Variants in EPHA5 observed in about 807,000 individuals in gnomAD.
The protein encoded by EPHA5 is ephrin type-A receptor 5.
In EPHA5, 60 loss-of-function variants were observed where a neutral mutation model predicts 105.0. That is an observed-to-expected ratio of 0.57 (90% confidence interval 0.46 to 0.71). The LOEUF is 0.71. EPHA5 is among the 30% of genes least tolerant of loss of function. The pLI is 0.00. For missense variants in EPHA5, 1,218 were observed against 1,274.7 expected, an observed-to-expected ratio of 0.96 and a Z score of 0.68; for synonymous variants, 513 against 449.1, an observed-to-expected ratio of 1.14 and a Z score of -1.80.
chr4:65,498,269 T>G (rs995442953), intron 3 of EPHA5, among the ~76,000 whole-genome samples: 1 of 151,888 alleles, frequency 6.6e-6, no homozygotes, highest in Non-Finnish European at 1.5e-5. Context: ...CACAAAAACC[T>G]TACATATTTT....
At chr4:65,668,559 C>A (rs183534716) in intron 1 of EPHA5, among the ~76,000 whole-genome samples, 2 of 152,186 alleles carry the variant, frequency 1.3e-5, no homozygotes, top group Admixed American at 1.3e-4. Context: ...GAGGAGCAAG[C>A]GCTGCTGGAG....
At chr4:65,328,103 T>C (rs566513514) in intron 16 of EPHA5, among the ~76,000 whole-genome samples, 100 of 151,302 alleles carry the variant, frequency 6.6e-4, no homozygotes, top group African/African-American at 2.1e-3. Context: ...ATGACACAAA[T>C]TTTATCATGA....
intron 7 of EPHA5, among the ~76,000 whole-genome samples, chr4:65,405,906 C>CT (rs1050893817): frequency 1.3e-5 from 2 of 151,854 alleles, no homozygotes; most frequent in African/African-American, 4.8e-5. Flanking sequence ...CTTTCTCCTT[C>CT]TTTTTTTGGC....
At chr4:65,585,149 T>C (rs1741995559) in intron 3 of EPHA5, among the ~76,000 whole-genome samples, 1 of 151,790 alleles carries the variant, frequency 6.6e-6, no homozygotes, top group African/African-American at 2.4e-5. Flanking sequence ...TGTGTGTCTG[T>C]GTCCAGATCC....
intron 1 of EPHA5, among the ~76,000 whole-genome samples, chr4:65,652,983 G>A (rs186815354): frequency 5.8e-4 from 88 of 151,924 alleles, no homozygotes; most frequent in African/African-American, 2.1e-3. Flanking sequence ...ACAGGCAAAA[G>A]GTACACTAAA....
chr4:65,574,789 A>G (rs894406052), intron 3 of EPHA5, among the ~76,000 whole-genome samples: 1 of 147,104 alleles, frequency 6.8e-6, no homozygotes, highest in Non-Finnish European at 1.5e-5. Flanking sequence ...ATTGAATACT[A>G]TGGCAGAATT....
intron 2 of EPHA5, among the ~76,000 whole-genome samples, chr4:65,625,436 A>G (rs1337901827): frequency 1.3e-5 from 2 of 152,200 alleles, no homozygotes; most frequent in Non-Finnish European, 2.9e-5. Context: ...ATCATACAGT[A>G]TGTAATACCA....
At chr4:65,345,074 TC>T (rs1304024164) in intron 14 of EPHA5, among the ~76,000 whole-genome samples, 1 of 152,136 alleles carries the variant, frequency 6.6e-6, no homozygotes, top group African/African-American at 2.4e-5. Context: ...AATAATAGCA[TC>T]CCTCTGACAC....
intron 3 of EPHA5, among the ~76,000 whole-genome samples, chr4:65,533,734 G>A (rs1488762270): frequency 6.6e-6 from 1 of 152,070 alleles, no homozygotes; most frequent in Non-Finnish European, 1.5e-5. Flanking sequence ...CAGGAGTTGA[G>A]ACCAGTCTGG....
chr4:65,633,257 G>A lies in EPHA5; in HGVS notation c.246+10106C>T, dbSNP rs182178097. ...ATTACAGTATATTTTTTCTCTGTGG[G>A]AGAGGGAGATTATGTACTCAGAACC... On this transcript the variant is annotated intron_variant, in intron 2 of 16. Coordinates refer to ENST00000613740, the MANE Select transcript of EPHA5 (RefSeq NM_001281766.3). Among the ~76,000 whole-genome samples, 13 of 152,078 alleles carry A rather than the reference G, an allele frequency of 8.5e-5. No homozygotes were observed. In the East Asian group the frequency reaches 1.9e-3, roughly 23 times the overall value.
intron 1 of EPHA5, among the ~76,000 whole-genome samples, chr4:65,648,514 A>T (rs1748325996): frequency 6.6e-6 from 1 of 152,242 alleles, no homozygotes; most frequent in East Asian, 1.9e-4. Context: ...ATTAGAAGTC[A>T]TATTCTTACT....
chr4:65,453,290 T>C (rs1727243822), intron 5 of EPHA5, among the ~76,000 whole-genome samples: 1 of 152,234 alleles, frequency 6.6e-6, no homozygotes, highest in Non-Finnish European at 1.5e-5. Context: ...CAATACATTT[T>C]GTAAACATGT....
chr4:65,613,264 T>G (rs950290752), intron 2 of EPHA5, among the ~76,000 whole-genome samples: 1 of 152,236 alleles, frequency 6.6e-6, no homozygotes, highest in East Asian at 1.9e-4. Flanking sequence ...TCATGCTGTT[T>G]TGGTTATTAC....
intron 5 of EPHA5, among the ~76,000 whole-genome samples, chr4:65,431,018 T>C (rs1278604623): frequency 6.6e-6 from 1 of 152,148 alleles, no homozygotes; most frequent in East Asian, 1.9e-4. Context: ...CAACTATTTT[T>C]GATCTACCAT....
At position 65,420,506 on chromosome 4, in the gene EPHA5, A is replaced by G; in HGVS notation, c.1462T>C (p.Ser488Pro). The G allele has an allele frequency of 2.5e-6, 4 of 1,613,302 alleles. No homozygotes were observed. Among genetic ancestry groups the G allele is most frequent in the Non-Finnish European group, 3.4e-6 (4 of 1,179,522 alleles). Residue 488 changes from serine to proline, a missense_variant, in exon 6 of 17, where the codon TCT (serine) becomes CCT (proline). Coordinates refer to ENST00000613740, the MANE Select transcript of EPHA5 (RefSeq NM_001281766.3). ...GKIAKNSISL[S>P]WQEPDRPNGI... ...TTGGGACGATCTGGTTCTTGCCAAG[A>G]CAAAGAGATGCTGTTTTTTGCAATT...
chr4:65,540,580 G>A (rs1038373417), intron 3 of EPHA5, among the ~76,000 whole-genome samples: 11 of 151,334 alleles, frequency 7.3e-5, no homozygotes, highest in African/African-American at 2.7e-4. Flanking sequence ...GATTCTCAAA[G>A]CATTTCGAAA....
intron 8 of EPHA5, among the ~76,000 whole-genome samples, chr4:65,394,716 A>T (rs980916783): frequency 2.0e-5 from 3 of 152,182 alleles, no homozygotes; most frequent in Non-Finnish European, 4.4e-5. Flanking sequence ...CAGCAAGAAG[A>T]TAATTTTATC....
At position 65,323,317 on chromosome 4, in the gene EPHA5, A is replaced by T. The variant is rs1719784275; in HGVS notation, c.*797T>A. On this transcript the variant is annotated 3_prime_UTR_variant, in exon 17 of 17. Transcript: ENST00000613740. ...ATTACATTCTGGAACACTTGCTCCT[A>T]TATGTTGCTAAAATTGAAACACTAT... 3 of 229,822 alleles carry T rather than the reference A, an allele frequency of 1.3e-5. No individual in the cohort carries two copies. Among genetic ancestry groups the T allele is most frequent in the Non-Finnish European group, 2.6e-5 (3 of 115,840 alleles). The allele number at this position is 229,822 out of a possible 1,614,324, so 14.2% of individuals were successfully genotyped here. A position where few individuals can be genotyped will look rare whatever the true frequency, so the allele number is the denominator to read the frequency against.
intron 3 of EPHA5, among the ~76,000 whole-genome samples, chr4:65,581,332 T>C (rs1212296685): frequency 2.0e-5 from 3 of 151,776 alleles, no homozygotes; most frequent in African/African-American, 4.8e-5. Context: ...GTTTGTTTTT[T>C]TGTTCTTGTT....
Sources: allele counts gnomAD v4.1 joint callset (sites outside exome capture counted in the v4.1 genomes callset), GRCh38; gene constraint gnomAD v4.1.1; transcripts MANE v1.5; gene names NCBI Gene and HGNC (gene_info 2026-07-23, HGNC 2026-07-21).